Variants in TRIM14 observed in about 807,000 individuals in gnomAD.
TRIM14 encodes tripartite motif containing 14, also known as tripartite motif-containing protein 14.
TRIM14 carries 28 observed loss-of-function variants against 44.5 expected under a neutral mutation model. That is an observed-to-expected ratio of 0.63 (90% CI 0.47 to 0.86). The LOEUF (loss-of-function observed/expected upper bound fraction) is 0.86. Among genes scored for constraint, TRIM14 ranks in the 40% least tolerant of loss-of-function variants. TRIM14 has a pLI of 0.00. For missense variants in TRIM14, 607 were observed against 611.1 expected (o/e 0.99, Z 0.07); for synonymous variants, 299 against 269.2 (o/e 1.11, Z -1.08).
intron 1 of TRIM14, among the ~76,000 whole-genome samples, chr9:98,118,025 A>G (rs973683488): frequency 6.6e-6 from 1 of 152,038 alleles, no homozygotes; most frequent in Non-Finnish European, 1.5e-5. Context: ...TTCACCTTGG[A>G]GTTCCAAGGT....
downstream of TRIM14, among the ~76,000 whole-genome samples, chr9:98,066,069 C>G (rs1829138594): frequency 6.6e-6 from 1 of 152,136 alleles, no homozygotes; most frequent in African/African-American, 2.4e-5. Flanking sequence ...TTTGTCATCC[C>G]TCCTCCTCCA....
intron 2 of TRIM14, among the ~76,000 whole-genome samples, chr9:98,107,027 AC>A (rs1826639837): frequency 6.6e-6 from 1 of 152,136 alleles, no homozygotes; most frequent in African/African-American, 2.4e-5. Flanking sequence ...GTAAACAAGC[AC>A]ATGAATAGAT....
chr9:98,096,530 T>C (rs888091661), intron 3 of TRIM14, among the ~76,000 whole-genome samples: 2 of 152,162 alleles, frequency 1.3e-5, no homozygotes, highest in Non-Finnish European at 2.9e-5. Context: ...TCAAAACATA[T>C]GTATGATGGA....
chr9:98,036,483 A>G, the TRIM14 span, among the ~76,000 whole-genome samples: 3 of 135,674 alleles, frequency 2.2e-5, no homozygotes, highest in African/African-American at 8.6e-5. Flanking sequence ...CCTGGGTGAC[A>G]GAGTGAGACT....
downstream of TRIM14, among the ~76,000 whole-genome samples, chr9:98,084,104 C>T (rs1316419285): frequency 6.6e-6 from 1 of 150,802 alleles, no homozygotes; most frequent in Non-Finnish European, 1.5e-5. Context: ...GATGTGGACA[C>T]GCTGAAATCG....
the TRIM14 span, among the ~76,000 whole-genome samples, chr9:98,043,165 A>C: frequency 1.3e-5 from 2 of 148,650 alleles, no homozygotes; most frequent in African/African-American, 5.0e-5. Context: ...TTGTCAGCTG[A>C]CTAGCCCTAA....
chr9:98,116,440 T>C (rs1042845573), intron 1 of TRIM14, among the ~76,000 whole-genome samples: 2 of 152,192 alleles, frequency 1.3e-5, no homozygotes, highest in Admixed American at 6.5e-5. Flanking sequence ...TCAAGATATT[T>C]TGGGACCTTG....
chr9:98,066,546 A>G (rs1468080615), downstream of TRIM14, among the ~76,000 whole-genome samples: 15 of 152,192 alleles, frequency 9.9e-5, no homozygotes, highest in Admixed American at 9.8e-4. Context: ...GCAACCATTA[A>G]TACAATTACC....
the TRIM14 span, among the ~76,000 whole-genome samples, chr9:98,039,993 G>A: frequency 1.3e-5 from 2 of 152,110 alleles, no homozygotes; most frequent in African/African-American, 2.4e-5. Flanking sequence ...ACAGGCACGC[G>A]CCACCATGTC....
intron 2 of TRIM14, among the ~76,000 whole-genome samples, chr9:98,104,842 G>A (rs1275294181): frequency 6.6e-6 from 1 of 152,198 alleles, no homozygotes; most frequent in Non-Finnish European, 1.5e-5. Context: ...AGAGTGAGGA[G>A]ATGAAAGGAG....
chr9:98,039,659 A>G, the TRIM14 span, among the ~76,000 whole-genome samples: 1 of 152,032 alleles, frequency 6.6e-6, no homozygotes. Flanking sequence ...AGCTGGCCCT[A>G]CCCAGATCGA....
the TRIM14 span, chr9:98,056,787 C>G: frequency 1.2e-5 from 19 of 1,604,298 alleles, no homozygotes; most frequent in Non-Finnish European, 1.5e-5. Context: ...GGTAGTGAGG[C>G]TTTGGACCCC....
chr9:98,064,129 C>T, the TRIM14 span, among the ~76,000 whole-genome samples: 1 of 152,214 alleles, frequency 6.6e-6, no homozygotes, highest in Non-Finnish European at 1.5e-5. Context: ...AGGTGGAGAA[C>T]CTAGGCCTCT....
chr9:98,113,471 C>T (rs1826933363), intron 1 of TRIM14, among the ~76,000 whole-genome samples: 1 of 152,196 alleles, frequency 6.6e-6, no homozygotes, highest in Non-Finnish European at 1.5e-5. Context: ...CCTCCTGCCT[C>T]AGCCCCCCAA....
chr9:98,070,568 C>T (rs570654063), intron 6 of TRIM14, among the ~76,000 whole-genome samples: 2 of 151,734 alleles, frequency 1.3e-5, no homozygotes, highest in Admixed American at 1.3e-4. Context: ...TTATAGGTAC[C>T]CGCCACCACA....
intron 5 of TRIM14, among the ~76,000 whole-genome samples, chr9:98,088,680 G>A (rs1205922871): frequency 3.9e-5 from 6 of 152,140 alleles, no homozygotes; most frequent in Admixed American, 2.0e-4. Flanking sequence ...ATGTTTGGAC[G>A]CATAACTTAG....
the TRIM14 span, chr9:98,056,878 G>C: frequency 3.1e-6 from 5 of 1,611,956 alleles, no homozygotes; most frequent in Non-Finnish European, 4.2e-6. Flanking sequence ...CATCATTGCC[G>C]AGATCGGCCA....
At chr9:98,056,811 G>T in the TRIM14 span, 6 of 1,611,684 alleles carry the variant, frequency 3.7e-6, no homozygotes, top group Non-Finnish European at 5.1e-6. Context: ...CCGCTGCAAT[G>T]CCGCTGGAGC....
chr9:98,080,586 A>C (rs1446301341), downstream of TRIM14, among the ~76,000 whole-genome samples: 1 of 152,212 alleles, frequency 6.6e-6, no homozygotes, highest in Non-Finnish European at 1.5e-5. Flanking sequence ...AACAGTAACC[A>C]TTTTTAGAGC....
Sources: gnomAD v4.1 joint callset for allele counts (sites outside exome capture counted in the v4.1 genomes callset) on GRCh38, gnomAD v4.1.1 for gene constraint, MANE v1.5 for transcripts, NCBI Gene and HGNC (gene_info 2026-07-23, HGNC 2026-07-21) for gene names.